The following TMEM132C variants were observed in gnomAD, a reference collection of about 807,000 sequenced individuals.
TMEM132C encodes transmembrane protein 132C, also known as protein phosphatase 1, regulatory subunit 152.
In TMEM132C, 29 loss-of-function variants were observed where a neutral mutation model predicts 61.4. The observed-to-expected ratio is 0.47, with a 90% CI of 0.35 to 0.64. The LOEUF (loss-of-function observed/expected upper bound fraction) is 0.64. Ranked by LOEUF, TMEM132C falls within the 30% of genes least tolerant of loss-of-function variation. TMEM132C has a pLI of 0.00. For missense variants in TMEM132C, 1,408 were observed against 1,476.9 expected (o/e 0.95, Z 0.76); for synonymous variants, 656 against 633.1 (o/e 1.04, Z -0.54).
At chr12:128,581,060 T>A (rs1422007179) in intron 3 of TMEM132C, among the ~76,000 whole-genome samples, 1 of 152,074 alleles carries the variant, frequency 6.6e-6, no homozygotes, top group Non-Finnish European at 1.5e-5. Context: ...CTCCAGAAGC[T>A]GAGGGTCTTA....
At chr12:128,636,605 T>C (rs1382321161) in intron 4 of TMEM132C, among the ~76,000 whole-genome samples, 2 of 138,240 alleles carry the variant, frequency 1.4e-5, no homozygotes, top group Non-Finnish European at 3.1e-5. Context: ...TGTGTGTGTG[T>C]ATTAAGAACA....
At chr12:128,346,079 A>G (rs1429582651) in intron 1 of TMEM132C, among the ~76,000 whole-genome samples, 5 of 151,938 alleles carry the variant, frequency 3.3e-5, no homozygotes, top group Non-Finnish European at 5.9e-5. Flanking sequence ...TATCCTTTGT[A>G]TAAGGAACCC....
chr12:128,496,720 A>G (rs1326211272), intron 2 of TMEM132C, among the ~76,000 whole-genome samples: 2 of 152,290 alleles, frequency 1.3e-5, no homozygotes, highest in East Asian at 3.9e-4. Flanking sequence ...TGGTTATTCT[A>G]GTTAGCCATT....
intron 2 of TMEM132C, among the ~76,000 whole-genome samples, chr12:128,488,261 T>C (rs545462170): frequency 1.3e-5 from 2 of 152,360 alleles, no homozygotes; most frequent in South Asian, 4.1e-4. Context: ...CCAGTTCTAT[T>C]GGAGAGCAGT....
intron 3 of TMEM132C, among the ~76,000 whole-genome samples, chr12:128,603,147 GGA>G (rs201827235): frequency 0.015 from 2,324 of 152,196 alleles, 49 homozygotes; most frequent in African/African-American, 0.053. Flanking sequence ...AGCAGTGCAC[GGA>G]GAGAGTGAAA....
At chr12:128,410,046 C>T (rs754327417) in intron 1 of TMEM132C, among the ~76,000 whole-genome samples, 1 of 151,894 alleles carries the variant, frequency 6.6e-6, no homozygotes, top group Non-Finnish European at 1.5e-5. Context: ...GGAAAAATGG[C>T]TTATCTTATT....
At chr12:128,467,305 C>G (rs575920699) in intron 2 of TMEM132C, among the ~76,000 whole-genome samples, 5 of 152,262 alleles carry the variant, frequency 3.3e-5, no homozygotes, top group African/African-American at 1.2e-4. Context: ...TGCCAGAGAT[C>G]TTCTTCTCCA....
intron 1 of TMEM132C, among the ~76,000 whole-genome samples, chr12:128,392,205 G>C (rs1033607109): frequency 3.9e-5 from 6 of 152,110 alleles, no homozygotes; most frequent in African/African-American, 1.4e-4. Flanking sequence ...GCAGCTCCTG[G>C]GGGGAGGTGG....
At chr12:128,558,812 C>T (rs1057322390) in intron 3 of TMEM132C, among the ~76,000 whole-genome samples, 5 of 152,226 alleles carry the variant, frequency 3.3e-5, no homozygotes, top group Non-Finnish European at 5.9e-5. Flanking sequence ...ATTGACTATT[C>T]TTTGCTTTGA....
chr12:128,502,829 G>C (rs2136110354), intron 2 of TMEM132C, among the ~76,000 whole-genome samples: 1 of 152,342 alleles, frequency 6.6e-6, no homozygotes, highest in East Asian at 1.9e-4. Flanking sequence ...AATTGTGGTG[G>C]AGGCCTTGGC....
At position 128,608,086 on chromosome 12, in the gene TMEM132C, C is replaced by T. The variant is rs7307795; in HGVS notation, c.1122-8066C>T. ...CTCATCACTCACCTGGTACCGTCAG[C>T]AAATCTTAGGACACATGGCCTTAGA... On this transcript the variant is annotated intron_variant, in intron 3 of 8. Coordinates refer to ENST00000435159, the MANE Select transcript of TMEM132C (RefSeq NM_001136103.3). Among the ~76,000 whole-genome samples, 241 of 152,280 alleles carry T rather than the reference C, an allele frequency of 1.6e-3. 3 individuals are homozygous for T. Among genetic ancestry groups the T allele is most frequent in the African/African-American group, 5.1e-3 (211 of 41,546 alleles).
intron 1 of TMEM132C, among the ~76,000 whole-genome samples, chr12:128,319,968 G>T (rs1252122463): frequency 6.6e-6 from 1 of 152,108 alleles, no homozygotes; most frequent in Non-Finnish European, 1.5e-5. Context: ...ATTGTTGGCG[G>T]CAGTGTTTAG....
chr12:128,393,811 C>T (rs757116189), intron 1 of TMEM132C, among the ~76,000 whole-genome samples: 2 of 152,126 alleles, frequency 1.3e-5, no homozygotes, highest in Non-Finnish European at 2.9e-5. Flanking sequence ...AAAGAAAGGG[C>T]GAATGGGCAA....
intron 1 of TMEM132C, among the ~76,000 whole-genome samples, chr12:128,339,494 G>C (rs555026551): frequency 7.2e-5 from 11 of 152,168 alleles, no homozygotes; most frequent in Admixed American, 4.6e-4. Flanking sequence ...CAAGCTGCAA[G>C]TCTCCCCTCC....
intron 1 of TMEM132C, among the ~76,000 whole-genome samples, chr12:128,276,504 A>G (rs1274931762): frequency 1.3e-5 from 2 of 152,170 alleles, no homozygotes; most frequent in Admixed American, 6.5e-5. Context: ...GCATAATTCC[A>G]TCTGGCTTAG....
chr12:128,576,184 G>T (rs560368187), intron 3 of TMEM132C, among the ~76,000 whole-genome samples: 87 of 152,090 alleles, frequency 5.7e-4, no homozygotes, highest in African/African-American at 2.0e-3. Flanking sequence ...GAACCAGAAG[G>T]GGGAGTTTGC....
chr12:128,524,802 G>T (rs559730802), intron 2 of TMEM132C, among the ~76,000 whole-genome samples: 3 of 152,112 alleles, frequency 2.0e-5, no homozygotes, highest in African/African-American at 4.8e-5. Context: ...AGATGTGGAC[G>T]GACTTAGGGT....
intron 1 of TMEM132C, among the ~76,000 whole-genome samples, chr12:128,325,597 A>C (rs1317877372): frequency 6.6e-6 from 1 of 152,212 alleles, no homozygotes; most frequent in Non-Finnish European, 1.5e-5. Flanking sequence ...CAGTTTATAC[A>C]TACTTGTCTT....
chr12:128,464,209 G>C (rs1397514564), intron 2 of TMEM132C, among the ~76,000 whole-genome samples: 3 of 152,164 alleles, frequency 2.0e-5, no homozygotes, highest in Non-Finnish European at 4.4e-5. Flanking sequence ...TACCGTTCAT[G>C]AGCAAAGGGA....
Sources: allele counts gnomAD v4.1 joint callset (sites outside exome capture counted in the v4.1 genomes callset), GRCh38; gene constraint gnomAD v4.1.1; transcripts MANE v1.5; gene names NCBI Gene and HGNC (gene_info 2026-07-23, HGNC 2026-07-21).